DNAH6: variants seen among roughly 807,000 people sequenced by gnomAD.
DNAH6 encodes dynein axonemal heavy chain 6.
A neutral mutation model predicts 491.4 loss-of-function variants in DNAH6; 340 were observed. That is an observed-to-expected ratio of 0.69 (90% CI 0.63 to 0.76). The LOEUF is 0.76. Among genes scored for constraint, DNAH6 ranks in the 30% least tolerant of loss-of-function variants. The probability of loss-of-function intolerance (pLI) is 0.00; values close to 1 mark genes in which losing one functional copy is unlikely to be tolerated. For missense variants in DNAH6, 4,443 were observed against 4,972.2 expected, an observed-to-expected ratio of 0.89 and a Z score of 3.20; for synonymous variants, 1,603 against 1,686.1, an observed-to-expected ratio of 0.95 and a Z score of 1.21.
chr2:84,722,574 C>T, intron 59 of DNAH6, 51 bp from the exon 60 acceptor site: 1 of 1,418,540 alleles, frequency 7.0e-7, no homozygotes, highest in Non-Finnish European at 9.5e-7. Context: ...AGAAGTCCCA[C>T]TATTTTTCTG....
rs1386489270 is a variant in DNAH6 at position 84,525,697 on chromosome 2, A to G, written c.358A>G (p.Thr120Ala). The part of the protein sequence containing the change: ...IAKKSFATSS[T>A]QFLEHQDAVK... ...AAAAAAAAGTTTTGCCACATCATCT[A>G]CTCAGTTTCTTGAGCATCAAGATGC... Residue 120 changes from threonine (T) to alanine (A), a missense_variant, in exon 3 of 77, where the codon ACT becomes GCT. Thr to Ala is a moderately conservative substitution (Grantham distance 58). This residue lies in a region of DNAH6 where 2,977 missense variants were observed against 3,296.6 expected (regional missense o/e 0.90). Transcript: ENST00000389394. 1 of 1,549,292 alleles carries G rather than the reference A, an allele frequency of 6.5e-7. No individual in the cohort carries two copies. Among genetic ancestry groups the G allele is most frequent in the East Asian group, 2.4e-5 (1 of 40,828 alleles).
chr2:84,601,032 T>G (rs1274533808), intron 18 of DNAH6, among the ~76,000 whole-genome samples: 1 of 146,722 alleles, frequency 6.8e-6, no homozygotes, highest in Non-Finnish European at 1.5e-5. Context: ...ATAATGTTAT[T>G]ATTATACTAT....
chr2:84,650,741 G>A (rs906381833), intron 33 of DNAH6, among the ~76,000 whole-genome samples: 16 of 152,080 alleles, frequency 1.1e-4, no homozygotes, highest in African/African-American at 3.6e-4. Context: ...AAATAAATTT[G>A]TCAGACAGTT....
intron 72 of DNAH6, 27 bp from the exon 73 acceptor site, chr2:84,812,314 C>G (rs747805117): frequency 7.1e-6 from 11 of 1,544,156 alleles, no homozygotes. Context: ...TCTGCAAAGG[C>G]CACCAACCCC....
intron 70 of DNAH6, among the ~76,000 whole-genome samples, chr2:84,799,676 T>G (rs1192394): frequency 0.25 from 37,944 of 152,152 alleles, 5,306 homozygotes; most frequent in African/African-American, 0.4. Context: ...AAGGAGTAAA[T>G]GGTCTTCTAG....
chr2:84,681,578 AT>A, intron 42 of DNAH6, 50 bp downstream of exon 42: 1 of 1,413,080 alleles, frequency 7.1e-7, no homozygotes, highest in Non-Finnish European at 9.3e-7. Context: ...CTACTTTTCC[AT>A]TGGCCCCCAA....
intron 42 of DNAH6, 142 bp from the exon 43 acceptor site, chr2:84,685,183 AT>A: frequency 2.1e-6 from 1 of 485,506 alleles, no homozygotes; most frequent in Non-Finnish European, 3.6e-6. Context: ...CACTATTAGT[AT>A]ATGTGTATAT....
chr2:84,566,805 A>G (rs527531895), intron 11 of DNAH6, among the ~76,000 whole-genome samples: 1 of 152,238 alleles, frequency 6.6e-6, no homozygotes, highest in South Asian at 2.1e-4. Context: ...TAGCTGTCAG[A>G]CCAGTAGAGT....
At chr2:84,536,795 TGATTAGA>T (rs1419950472) in intron 4 of DNAH6, among the ~76,000 whole-genome samples, 7 of 152,046 alleles carry the variant, frequency 4.6e-5, no homozygotes, top group Admixed American at 6.6e-5. Flanking sequence ...CATCATGTCT[TGATTAGA>T]CATGATGTAG....
At chr2:84,606,262 A>G (rs187883260) in intron 20 of DNAH6, among the ~76,000 whole-genome samples, 12 of 152,326 alleles carry the variant, frequency 7.9e-5, no homozygotes, top group Middle Eastern at 3.4e-3. Context: ...TTCCAGGTGT[A>G]GGTTGGAAGA....
chr2:84,488,802 T>G, the DNAH6 span, among the ~76,000 whole-genome samples: 5 of 152,204 alleles, frequency 3.3e-5, no homozygotes, highest in African/African-American at 1.2e-4. Flanking sequence ...CTAAACATCT[T>G]TAGGAGCTAT....
intron 46 of DNAH6, among the ~76,000 whole-genome samples, chr2:84,696,552 A>AG (rs1695409972): frequency 6.6e-6 from 1 of 152,130 alleles, no homozygotes; most frequent in African/African-American, 2.4e-5. Flanking sequence ...ACATAAGAAA[A>AG]TGGAACAAGA....
chr2:84,808,326 A>T, intron 71 of DNAH6, 89 bp from the exon 72 acceptor site: 5 of 1,371,804 alleles, frequency 3.6e-6, no homozygotes, highest in Non-Finnish European at 1.9e-6. Flanking sequence ...CTGGCTTTTT[A>T]AAAATGTTAA....
At chr2:84,637,745 A>G in intron 31 of DNAH6, among the ~76,000 whole-genome samples, 1 of 152,220 alleles carries the variant, frequency 6.6e-6, no homozygotes, top group East Asian at 1.9e-4. Context: ...ACTGGAGTCA[A>G]GGGATGCTAA....
At chr2:84,606,365 C>T (rs1044903511) in intron 20 of DNAH6, among the ~76,000 whole-genome samples, 4 of 152,110 alleles carry the variant, frequency 2.6e-5, no homozygotes, top group Non-Finnish European at 4.4e-5. Flanking sequence ...GGTGAGGGTT[C>T]TACTCTCAAA....
intron 41 of DNAH6, among the ~76,000 whole-genome samples, chr2:84,680,825 T>A (rs1396722997): frequency 6.6e-6 from 1 of 152,054 alleles, no homozygotes; most frequent in Non-Finnish European, 1.5e-5. Context: ...AAGATTGATT[T>A]TGCAGGACAG....
chr2:84,590,750 CT>C (rs1417232951), intron 16 of DNAH6, among the ~76,000 whole-genome samples: 4 of 152,156 alleles, frequency 2.6e-5, no homozygotes, highest in African/African-American at 9.7e-5. Flanking sequence ...TCCTAACACC[CT>C]TTCACTATAA....
At chr2:84,683,423 T>A (rs985555422) in intron 42 of DNAH6, among the ~76,000 whole-genome samples, 2 of 145,426 alleles carry the variant, frequency 1.4e-5, no homozygotes, top group African/African-American at 2.6e-5. Flanking sequence ...TTTTTTTTTT[T>A]TTTTTTTTTT....
At chr2:84,518,323 C>T (rs887977546) in intron 2 of DNAH6, among the ~76,000 whole-genome samples, 3 of 152,136 alleles carry the variant, frequency 2.0e-5, no homozygotes, top group African/African-American at 7.2e-5. Context: ...AGATACTTAA[C>T]TATGTATGCT....
Sources: allele counts gnomAD v4.1 joint callset (sites outside exome capture counted in the v4.1 genomes callset), GRCh38; gene constraint gnomAD v4.1.1; regional missense constraint gnomAD v4.1.1; transcripts MANE v1.5; gene names NCBI Gene and HGNC (gene_info 2026-07-23, HGNC 2026-07-21).